The following NPNT variants were observed in gnomAD, a reference collection of about 807,000 sequenced individuals.
The protein encoded by NPNT is preosteoblast EGF-like repeat protein with MAM domain.
In NPNT, 45 loss-of-function variants were observed where a neutral mutation model predicts 68.6. The ratio of observed to expected loss-of-function variants is 0.66; its 90% confidence interval spans 0.52 to 0.84. NPNT has a LOEUF of 0.84. Among genes scored for constraint, NPNT ranks in the 40% least tolerant of loss-of-function variants. NPNT has a pLI of 0.00. For synonymous variants in NPNT, 233 were observed against 253.3 expected, an observed-to-expected ratio of 0.92 and a Z score of 0.76; for missense variants, 672 against 714.8, an observed-to-expected ratio of 0.94 and a Z score of 0.68.
At chr4:105,940,395 C>A in intron 6 of NPNT, 119 bp from the exon 7 acceptor site, 3 of 1,103,520 alleles carry the variant, frequency 2.7e-6, no homozygotes, top group Non-Finnish European at 4.0e-6. Context: ...TGTTTATCTG[C>A]CAATATTATG....
chr4:105,940,084 A>T lies in NPNT; in HGVS notation c.515A>T (p.Glu172Val). The T allele has an allele frequency of 6.2e-7, 1 of 1,613,306 alleles. No homozygotes were observed. Among genetic ancestry groups the T allele is most frequent in the Non-Finnish European group, 8.5e-7 (1 of 1,179,416 alleles). Residue 172 changes from glutamate (E) to valine (V), a missense_variant, in exon 6 of 12, where the codon GAA (glutamate) becomes GTA (valine). Physicochemically the swap from Glu to Val is moderately radical, Grantham distance 121. Transcript: ENST00000379987. ...TGACTTATGTTTCTAGATGTTGATG[A>T]ATGTGCTACAGGAAGAGCCTCCTGC... The part of the protein sequence containing the change: ...PDGRTCVDVD[E>V]CATGRASCPR...
chr4:105,898,336 C>CTCTCTCTG (rs1726096386), intron 2 of NPNT, among the ~76,000 whole-genome samples: 5 of 112,144 alleles, frequency 4.5e-5, no homozygotes, highest in African/African-American at 1.9e-4. Flanking sequence ...CTGTCTCTCT[C>CTCTCTCTG]TCTCTCTCTC....
chr4:105,966,705 G>A (rs895584726), intron 10 of NPNT, among the ~76,000 whole-genome samples: 1 of 151,564 alleles, frequency 6.6e-6, no homozygotes, highest in Non-Finnish European at 1.5e-5. Flanking sequence ...GAGAGAATAA[G>A]CAGATATAGG....
intron 11 of NPNT, 54 bp from the exon 12 acceptor site, chr4:105,968,841 A>G (rs1418833796): frequency 2.0e-6 from 2 of 999,246 alleles, no homozygotes; most frequent in Admixed American, 4.3e-5. Flanking sequence ...CTTAATAAGG[A>G]GGCATTAGAA....
intron 2 of NPNT, among the ~76,000 whole-genome samples, chr4:105,920,901 TAAATA>T (rs1728209609): frequency 2.0e-5 from 3 of 152,166 alleles, no homozygotes; most frequent in Non-Finnish European, 2.9e-5. Context: ...GCAATAATGT[TAAATA>T]AAATGTGAAG....
intron 2 of NPNT, among the ~76,000 whole-genome samples, chr4:105,903,449 G>GC (rs1726591154): frequency 6.6e-6 from 1 of 151,998 alleles, no homozygotes; most frequent in African/African-American, 2.4e-5. Flanking sequence ...CCTCATTATT[G>GC]CCCCCCACTG....
intron 2 of NPNT, among the ~76,000 whole-genome samples, chr4:105,903,512 A>C (rs980542792): frequency 6.6e-6 from 1 of 152,084 alleles, no homozygotes; most frequent in Non-Finnish European, 1.5e-5. Flanking sequence ...AATATTTTAA[A>C]TTTTTCCACC....
chr4:105,930,825 C>A (rs999876266), intron 3 of NPNT, among the ~76,000 whole-genome samples: 2 of 152,174 alleles, frequency 1.3e-5, no homozygotes, highest in Admixed American at 1.3e-4. Context: ...GCCTGGGAAA[C>A]AGCCAGAATA....
At chr4:105,924,661 G>A (rs1204694303) in intron 2 of NPNT, among the ~76,000 whole-genome samples, 1 of 152,074 alleles carries the variant, frequency 6.6e-6, no homozygotes, top group Non-Finnish European at 1.5e-5. Context: ...TAACAAAAAA[G>A]GGAGAGGAAA....
intron 2 of NPNT, among the ~76,000 whole-genome samples, chr4:105,924,996 T>C (rs1728576366): frequency 6.6e-6 from 1 of 152,148 alleles, no homozygotes; most frequent in African/African-American, 2.4e-5. Flanking sequence ...CATATATAAA[T>C]GTTAAGATTT....
intron 2 of NPNT, chr4:105,912,427 C>T (rs1480419744): frequency 1.0e-5 from 5 of 478,818 alleles, no homozygotes; most frequent in Non-Finnish European, 1.7e-5. Flanking sequence ...ATTTTAATTC[C>T]ATTATTACAT....
rs549435106 is a variant in NPNT at position 105,949,020 on chromosome 4, T to C, written c.1159+6318T>C. 1.4e-3 allele frequency among the ~76,000 whole-genome samples: 214 copies of C among 152,320 alleles called. 1 individual carries two copies. Among genetic ancestry groups the C allele is most frequent in the African/African-American group, 4.5e-3 (187 of 41,572 alleles). Reference sequence around the variant, plus strand: ...TTTGAGCAACACTAAAGTTATCTGATGTAGCGTAAAATTCTTGTTGTTTCA... The same window carrying C: ...TTTGAGCAACACTAAAGTTATCTGACGTAGCGTAAAATTCTTGTTGTTTCA... On this transcript the variant is annotated intron_variant, in intron 8 of 11. Coordinates refer to ENST00000379987, the MANE Select transcript of NPNT (RefSeq NM_001033047.3).
intron 8 of NPNT, among the ~76,000 whole-genome samples, chr4:105,951,374 G>GT (rs1391975157): frequency 3.3e-5 from 5 of 152,090 alleles, no homozygotes; most frequent in Non-Finnish European, 5.9e-5. Context: ...GAAGAAAATT[G>GT]TTTTCTTTTA....
intron 8 of NPNT, among the ~76,000 whole-genome samples, chr4:105,943,463 ATAGT>A (rs1003159678): frequency 1.3e-5 from 2 of 152,032 alleles, no homozygotes; most frequent in African/African-American, 2.4e-5. Flanking sequence ...CTGTAAACTG[ATAGT>A]TAGACCTACA....
Position 105,967,269 on chromosome 4 carries a change from T to G in NPNT, c.1427T>G (p.Met476Arg), listed in dbSNP as rs35488797. 4 of 1,614,046 alleles carry G rather than the reference T, an allele frequency of 2.5e-6. No individual in the cohort carries two copies. Among genetic ancestry groups the G allele is most frequent in the Non-Finnish European group, 2.5e-6 (3 of 1,179,996 alleles). The change falls in exon 11 of 12, where the codon ATG becomes AGG. Residue 476 changes from methionine (M) to arginine (R), a missense_variant. Coordinates refer to ENST00000379987, the MANE Select transcript of NPNT (RefSeq NM_001033047.3). The stretch of plus-strand genomic sequence containing the variant: ...TTGGTGCTACCTCTCGGCCGCCTCA[T>G]GCATTCAGGGGACCTGTGCCTGTCA... ...ARLVLPLGRL[M>R]HSGDLCLSFR...
intron 10 of NPNT, among the ~76,000 whole-genome samples, chr4:105,965,780 A>T (rs1472114442): frequency 1.3e-5 from 2 of 152,202 alleles, no homozygotes; most frequent in Admixed American, 1.3e-4. Context: ...CAAGTACGTG[A>T]ATCAAGGATC....
chr4:105,895,632 C>A lies in NPNT; in HGVS notation c.-21C>A, dbSNP rs1380536337. The stretch of plus-strand genomic sequence containing the variant: ...GTTCCTCGCGCGCCACTGCGCTGCG[C>A]CCCAGGACCCGCTGCCCAACATGGA... On this transcript the variant is annotated 5_prime_UTR_variant, in exon 1 of 12. Coordinates refer to ENST00000379987, the MANE Select transcript of NPNT (RefSeq NM_001033047.3). 3.2e-6 allele frequency: 5 copies of A among 1,548,054 alleles called. No individual in the cohort carries two copies. Among genetic ancestry groups the A allele is most frequent in the African/African-American group, 1.4e-5 (1 of 72,958 alleles).
chr4:105,962,675 G>A (rs1731810543), intron 10 of NPNT, among the ~76,000 whole-genome samples: 1 of 152,172 alleles, frequency 6.6e-6, no homozygotes. Context: ...TGGAAAGAAG[G>A]ATGGGAAGAC....
chr4:105,946,835 C>T (rs931211306), intron 8 of NPNT, among the ~76,000 whole-genome samples: 6 of 152,222 alleles, frequency 3.9e-5, no homozygotes, highest in Admixed American at 1.3e-4. Flanking sequence ...TAGTGGTGCA[C>T]GTATTGTCTT....
Sources: gnomAD v4.1 joint callset for allele counts (sites outside exome capture counted in the v4.1 genomes callset) on GRCh38, gnomAD v4.1.1 for gene constraint, MANE v1.5 for transcripts, NCBI Gene and HGNC (gene_info 2026-07-23, HGNC 2026-07-21) for gene names.